The following NHEJ1 variants were observed in gnomAD, a reference collection of about 807,000 sequenced individuals.
NHEJ1 encodes non-homologous end joining factor 1.
NHEJ1 carries 22 observed loss-of-function variants against 39.4 expected under a neutral mutation model. The observed-to-expected ratio is 0.56, with a 90% CI of 0.40 to 0.80. The LOEUF is 0.80. NHEJ1 is among the 30% of genes least tolerant of loss of function. The probability of loss-of-function intolerance (pLI) is 0.00; values close to 1 mark genes in which losing one functional copy is unlikely to be tolerated. For synonymous variants in NHEJ1, 154 were observed against 135.6 expected, an observed-to-expected ratio of 1.14 and a Z score of -0.94; for missense variants, 329 against 357.1, an observed-to-expected ratio of 0.92 and a Z score of 0.63.
chr2:219,138,968 T>G (rs1949663687), intron 5 of NHEJ1, among the ~76,000 whole-genome samples: 1 of 152,242 alleles, frequency 6.6e-6, no homozygotes, highest in Non-Finnish European at 1.5e-5. Context: ...TGACCCAGAC[T>G]TAGTGACTCA....
intron 5 of NHEJ1, among the ~76,000 whole-genome samples, chr2:219,138,394 A>G (rs1949657316): frequency 6.6e-6 from 1 of 152,250 alleles, no homozygotes; most frequent in South Asian, 2.1e-4. Context: ...GTAGAATGGG[A>G]ATATAGGCTA....
chr2:219,154,922 T>C (rs1949837248), intron 3 of NHEJ1, among the ~76,000 whole-genome samples: 1 of 147,520 alleles, frequency 6.8e-6, no homozygotes, highest in South Asian at 2.1e-4. Context: ...TATATTAATA[T>C]AGATTAATAT....
intron 5 of NHEJ1, among the ~76,000 whole-genome samples, chr2:219,123,405 T>C (rs1289246860): frequency 1.3e-5 from 2 of 152,174 alleles, no homozygotes; most frequent in Non-Finnish European, 2.9e-5. Context: ...TCAGAATCTT[T>C]TTCCACCTAC....
chr2:219,130,570 T>C (rs1381747439), intron 5 of NHEJ1, among the ~76,000 whole-genome samples: 1 of 152,212 alleles, frequency 6.6e-6, no homozygotes, highest in Non-Finnish European at 1.5e-5. Context: ...AGTTATGAGT[T>C]ACGAGCGCTT....
chr2:219,130,586 G>A (rs549523928), intron 5 of NHEJ1, among the ~76,000 whole-genome samples: 1 of 152,292 alleles, frequency 6.6e-6, no homozygotes, highest in South Asian at 2.1e-4. Flanking sequence ...CGCTTGGAGA[G>A]ATCCTTTCCA....
intron 5 of NHEJ1, among the ~76,000 whole-genome samples, chr2:219,098,488 T>C (rs952028368): frequency 2.4e-4 from 36 of 152,334 alleles, no homozygotes; most frequent in Non-Finnish European, 7.3e-5. Context: ...TACTTTATCT[T>C]TGCACACAGG....
intron 5 of NHEJ1, among the ~76,000 whole-genome samples, chr2:219,136,290 T>G (rs893529262): frequency 2.0e-5 from 3 of 148,562 alleles, no homozygotes; most frequent in African/African-American, 7.4e-5. Flanking sequence ...TGGTTTCTTT[T>G]TTTTTTTTTT....
At chr2:219,128,476 C>T (rs187110058) in intron 5 of NHEJ1, among the ~76,000 whole-genome samples, 1 of 152,010 alleles carries the variant, frequency 6.6e-6, no homozygotes, top group Non-Finnish European at 1.5e-5. Context: ...CTTCTGGGTA[C>T]AATAGATAGT....
chr2:219,077,276 TG>T lies in NHEJ1; in HGVS notation c.794del (p.Pro265GlnfsTer56). On this transcript the variant is annotated frameshift_variant, in exon 7 of 8. Coordinates refer to ENST00000356853, the MANE Select transcript of NHEJ1 (RefSeq NM_024782.3). LOFTEE classifies it high-confidence loss of function. ...NQPEQLVSSAPTLSAPEKEST... is the reference protein window; with the variant it reads ...NQPEQLVSSAXTLSAPEKEST... ...ACTCTTTCTCAGGTGCTGAGAGGGT[TG>T]GGGCTGAGGAGACCAGTTGTTCTGG... The T allele has an allele frequency of 6.2e-7, 1 of 1,614,030 alleles. No individual in the cohort carries two copies.
rs78780768 is a variant in NHEJ1 at position 219,072,217 on chromosome 2, C to T, written c.*4164G>A. Reference sequence around the variant, plus strand: ...GAAAAAACATAGAGCAATGAGCTGCCCTGGACAAGAGCACCCTGTAGCAGC... The same window carrying T: ...GAAAAAACATAGAGCAATGAGCTGCTCTGGACAAGAGCACCCTGTAGCAGC... On this transcript the variant is annotated 3_prime_UTR_variant, in exon 8 of 8. Transcript: ENST00000356853. 3.5e-3 allele frequency among the ~76,000 whole-genome samples: 535 copies of T among 152,272 alleles called. 34 individuals are homozygous for T. The East Asian group carries it at 0.099, about 28-fold the overall frequency.
Position 219,158,830 on chromosome 2 carries a change from G to A in NHEJ1, c.1-468C>T, listed in dbSNP as rs1333473352. On this transcript the variant is annotated intron_variant, in intron 1 of 7. Coordinates refer to ENST00000356853, the MANE Select transcript of NHEJ1 (RefSeq NM_024782.3). ...TAGTGTCAGGGCCAGGAAATTCGAA[G>A]TATTTGATCATTATCTAAAAACAAA... 2.8e-5 allele frequency: 5 copies of A among 181,440 alleles called. No individual in the cohort carries two copies. In the East Asian group the frequency reaches 7.1e-4, roughly 26 times the overall value. 11.2% of individuals were successfully genotyped at this position (181,440 alleles called of 1,614,324 possible).
At chr2:219,131,970 C>T (rs965430086) in intron 5 of NHEJ1, among the ~76,000 whole-genome samples, 4 of 152,212 alleles carry the variant, frequency 2.6e-5, no homozygotes, top group African/African-American at 9.6e-5. Flanking sequence ...AGGTCAGAGT[C>T]CTGGGCTCTG....
chr2:219,078,228 G>C (rs1559185239), intron 5 of NHEJ1, 22 bp from the exon 6 acceptor site: 1 of 1,582,428 alleles, frequency 6.3e-7, no homozygotes, highest in Non-Finnish European at 8.7e-7. Context: ...AGGAGATACT[G>C]TCATTGGTTA....
chr2:219,134,376 A>T (rs1949605407), intron 5 of NHEJ1, among the ~76,000 whole-genome samples: 2 of 152,362 alleles, frequency 1.3e-5, no homozygotes, highest in South Asian at 4.1e-4. Context: ...TGTTGTAAGG[A>T]TTAAATTATA....
In NHEJ1 at chr2:219,156,173, C is replaced by G. The variant is rs189711261; in HGVS notation, c.390+1299G>C. Among the ~76,000 whole-genome samples, 1,299 of 151,970 alleles carry G rather than the reference C, an allele frequency of 8.5e-3. 11 individuals are homozygous for G. The highest frequency in any genetic ancestry group is 0.029 in the African/African-American group (1,221 of 41,434). On this transcript the variant is annotated intron_variant, in intron 3 of 7. Coordinates refer to ENST00000356853, the MANE Select transcript of NHEJ1 (RefSeq NM_024782.3). ...CTGAGGCAGGAGAGTGGCATGAACCCGGGAGGCGGAGCTTGCAGTGAGCTG... is the reference window on the plus strand; with the variant it reads ...CTGAGGCAGGAGAGTGGCATGAACCGGGGAGGCGGAGCTTGCAGTGAGCTG...
At chr2:219,148,634 G>C (rs1445783000) in intron 3 of NHEJ1, among the ~76,000 whole-genome samples, 1 of 152,048 alleles carries the variant, frequency 6.6e-6, no homozygotes, top group East Asian at 1.9e-4. Flanking sequence ...AATAAGTGTG[G>C]CAAAAACAGA....
chr2:219,152,462 CA>C (rs1195542320), intron 3 of NHEJ1, among the ~76,000 whole-genome samples: 1 of 151,636 alleles, frequency 6.6e-6, no homozygotes, highest in Non-Finnish European at 1.5e-5. Flanking sequence ...AACAAATAAA[CA>C]AAAAAGATCA....
At position 219,154,758 on chromosome 2, in the gene NHEJ1, C is replaced by T. The variant is rs558800989; in HGVS notation, c.390+2714G>A. Among the ~76,000 whole-genome samples, 8 of 151,780 alleles carry T rather than the reference C, an allele frequency of 5.3e-5. No homozygotes were observed. In the South Asian group the frequency reaches 1.7e-3, roughly 31 times the overall value. ...CTTCCTATGGCAAACCAAGACTCATCCCTTCCTAAACACTGTTGTCTCTTT... is the reference window on the plus strand; with the variant it reads ...CTTCCTATGGCAAACCAAGACTCATTCCTTCCTAAACACTGTTGTCTCTTT... On this transcript the variant is annotated intron_variant, in intron 3 of 7. Transcript: ENST00000356853.
At position 219,154,432 on chromosome 2, in the gene NHEJ1, C is replaced by T. The variant is rs959987558; in HGVS notation, c.390+3040G>A. On this transcript the variant is annotated intron_variant, in intron 3 of 7. Transcript: ENST00000356853. ...GAAAGATCTATTTTTTCACTGTATA[C>T]ACTTAAATGCTGTTTGAAATGTTTG... 3.3e-5 allele frequency among the ~76,000 whole-genome samples: 5 copies of T among 152,136 alleles called. No individual in the cohort carries two copies. The South Asian group carries it at 1.0e-3, about 32-fold the overall frequency.
Sources: gnomAD v4.1 joint callset for allele counts (sites outside exome capture counted in the v4.1 genomes callset) on GRCh38, gnomAD v4.1.1 for gene constraint, MANE v1.5 for transcripts, NCBI Gene and HGNC (gene_info 2026-07-23, HGNC 2026-07-21) for gene names.